Variants in GPM6A observed in about 807,000 individuals in gnomAD.
The protein encoded by GPM6A is glycoprotein M6A.
GPM6A carries 7 observed loss-of-function variants against 32.1 expected under a neutral mutation model. The observed-to-expected ratio is 0.22, with a 90% CI of 0.12 to 0.41. The LOEUF is 0.41. Ranked by LOEUF, GPM6A falls within the 10% of genes least tolerant of loss-of-function variation. The probability of loss-of-function intolerance (pLI) is 1.00; values close to 1 mark genes in which losing one functional copy is unlikely to be tolerated. For synonymous variants in GPM6A, 130 were observed against 123.4 expected (o/e 1.05, Z -0.35); for missense variants, 235 against 347.2 (o/e 0.68, Z 2.57).
chr4:175,757,025 C>T (rs1208523501), intron 1 of GPM6A, among the ~76,000 whole-genome samples: 2 of 152,084 alleles, frequency 1.3e-5, no homozygotes, highest in South Asian at 2.1e-4. Context: ...CTAGTCTCCA[C>T]GATGACTCCC....
chr4:175,893,991 T>C (rs1737721656), intron 1 of GPM6A, among the ~76,000 whole-genome samples: 1 of 152,094 alleles, frequency 6.6e-6, no homozygotes, highest in Non-Finnish European at 1.5e-5. Context: ...TTGAAATGGA[T>C]TGGTCAAAAA....
At chr4:175,897,095 G>T (rs1010356265) in intron 1 of GPM6A, among the ~76,000 whole-genome samples, 1 of 152,096 alleles carries the variant, frequency 6.6e-6, no homozygotes, top group Non-Finnish European at 1.5e-5. Flanking sequence ...ATGAATAGGG[G>T]ACAGAAGAGC....
intron 1 of GPM6A, among the ~76,000 whole-genome samples, chr4:175,872,039 T>C (rs555822226): frequency 2.0e-5 from 3 of 152,358 alleles, no homozygotes; most frequent in South Asian, 4.1e-4. Flanking sequence ...GTTTTTTTCT[T>C]TTCTTCACCT....
At chr4:175,799,466 T>C (rs894503893) in intron 1 of GPM6A, among the ~76,000 whole-genome samples, 12 of 152,080 alleles carry the variant, frequency 7.9e-5, no homozygotes, top group Non-Finnish European at 1.5e-4. Context: ...TAAGAGTCAA[T>C]TGAAGAACAG....
chr4:175,728,982 C>T (rs1211617624), intron 1 of GPM6A, among the ~76,000 whole-genome samples: 1 of 152,192 alleles, frequency 6.6e-6, no homozygotes, highest in Non-Finnish European at 1.5e-5. Flanking sequence ...TACACTGGCT[C>T]TAAGTGGTTC....
intron 1 of GPM6A, among the ~76,000 whole-genome samples, chr4:175,877,026 C>T (rs902011363): frequency 2.0e-5 from 3 of 152,172 alleles, no homozygotes; most frequent in Non-Finnish European, 4.4e-5. Context: ...AGCTCCCCAG[C>T]TTTGGAGGCT....
In GPM6A at chr4:175,997,894, G is replaced by A. The variant is rs1046109080; in HGVS notation, c.-23+4415C>T. Reference sequence around the variant, plus strand: ...TCACATTTCACTGTTCTTATGTTGGGGCATTTAGTACGTATCATGCAGTTG... The same window carrying A: ...TCACATTTCACTGTTCTTATGTTGGAGCATTTAGTACGTATCATGCAGTTG... On this transcript the variant is annotated intron_variant, in intron 1 of 7. Transcript: ENST00000280187. 1.1e-4 allele frequency among the ~76,000 whole-genome samples: 16 copies of A among 151,966 alleles called. 1 individual carries two copies. The highest frequency in any genetic ancestry group is 7.9e-4 in the Admixed American group (12 of 15,256).
rs544889132 is a variant in GPM6A at position 175,671,477 on chromosome 4, GAAAAAAAAAAAAAA to G, written c.387+2189_387+2202del. 6.1e-4 allele frequency among the ~76,000 whole-genome samples: 15 copies of G among 24,410 alleles called. No individual in the cohort carries two copies. The South Asian group carries it at 0.055, about 89-fold the overall frequency. 16.0% of individuals were successfully genotyped at this position (24,410 alleles called of 152,430 possible). On this transcript the variant is annotated intron_variant, in intron 3 of 6. Coordinates refer to ENST00000393658, the MANE Select transcript of GPM6A (RefSeq NM_201591.3). ...CGTAAGATACAATCTGCCTACAAAC[GAAAAAAAAAAAAAA>G]AAAAAAAAAAAAAAAGCAGCATCAG...
chr4:175,650,568 G>A (rs868811044), intron 4 of GPM6A, among the ~76,000 whole-genome samples: 1 of 152,068 alleles, frequency 6.6e-6, no homozygotes, highest in African/African-American at 2.4e-5. Flanking sequence ...GTCTCCCAAA[G>A]TGCTGGGATT....
chr4:175,750,651 C>T (rs906439903), intron 1 of GPM6A, among the ~76,000 whole-genome samples: 3 of 151,572 alleles, frequency 2.0e-5, no homozygotes, highest in Admixed American at 2.0e-4. Flanking sequence ...TGGCTCACTG[C>T]AACCTCCACC....
At chr4:175,723,576 CA>C (rs1746252699) in intron 1 of GPM6A, among the ~76,000 whole-genome samples, 1 of 152,050 alleles carries the variant, frequency 6.6e-6, no homozygotes, top group Non-Finnish European at 1.5e-5. Context: ...ATATTTTCAC[CA>C]AAAAGTTCCA....
chr4:175,892,255 T>G (rs1336010100), intron 1 of GPM6A, among the ~76,000 whole-genome samples: 1 of 152,200 alleles, frequency 6.6e-6, no homozygotes, highest in Non-Finnish European at 1.5e-5. Context: ...CAAGATACCC[T>G]CTTATTTCAT....
At chr4:175,844,031 C>T (rs59807385) in intron 1 of GPM6A, among the ~76,000 whole-genome samples, 9,177 of 152,178 alleles carry the variant, frequency 0.06, 898 homozygotes, top group African/African-American at 0.21. Flanking sequence ...TTAGCAGCTA[C>T]CCTTAATGTC....
At chr4:175,741,088 C>G (rs1731870727) in intron 1 of GPM6A, among the ~76,000 whole-genome samples, 1 of 152,000 alleles carries the variant, frequency 6.6e-6, no homozygotes, top group South Asian at 2.1e-4. Flanking sequence ...CTAATTGGTT[C>G]TCCAACGTAT....
At chr4:175,913,294 T>A (rs1738380649) in intron 1 of GPM6A, among the ~76,000 whole-genome samples, 1 of 152,202 alleles carries the variant, frequency 6.6e-6, no homozygotes. Context: ...CCAAGAATTG[T>A]GTCTATGCGT....
intron 1 of GPM6A, among the ~76,000 whole-genome samples, chr4:175,935,634 T>C (rs993794524): frequency 6.6e-6 from 1 of 151,834 alleles, no homozygotes; most frequent in African/African-American, 2.4e-5. Context: ...AAAGAGAAAA[T>C]ATATTTAATA....
At chr4:175,680,369 A>T (rs1349223050) in intron 2 of GPM6A, among the ~76,000 whole-genome samples, 1 of 152,142 alleles carries the variant, frequency 6.6e-6, no homozygotes, top group Admixed American at 6.6e-5. Context: ...TCCATAATAA[A>T]TCTAAAATTA....
At chr4:175,721,043 T>C (rs140999634) in intron 1 of GPM6A, among the ~76,000 whole-genome samples, 4 of 88,460 alleles carry the variant, frequency 4.5e-5, no homozygotes, top group African/African-American at 1.4e-4. Flanking sequence ...ATATATATTA[T>C]ATATATATAT....
At chr4:175,956,951 A>T (rs561376274) in intron 1 of GPM6A, among the ~76,000 whole-genome samples, 3 of 152,238 alleles carry the variant, frequency 2.0e-5, no homozygotes, top group Non-Finnish European at 4.4e-5. Context: ...CAATATTTCA[A>T]TGGGAAAGTA....
Sources: allele counts gnomAD v4.1 joint callset (sites outside exome capture counted in the v4.1 genomes callset), GRCh38; gene constraint gnomAD v4.1.1; transcripts MANE v1.5; gene names NCBI Gene and HGNC (gene_info 2026-07-23, HGNC 2026-07-21).